BRIP1: variants seen among roughly 807,000 people sequenced by gnomAD.
BRIP1 encodes the protein BRCA1 interacting DNA helicase 1.
Under a neutral mutation model 119.7 loss-of-function variants are expected in BRIP1, and 88 were observed. The ratio of observed to expected loss-of-function variants is 0.74; its 90% confidence interval spans 0.62 to 0.88. The LOEUF is 0.88. BRIP1 is among the 40% of genes least tolerant of loss of function. BRIP1 has a pLI of 0.00. For missense variants in BRIP1, 1,259 were observed against 1,455.4 expected (o/e 0.87, Z 2.20); for synonymous variants, 443 against 496.5 (o/e 0.89, Z 1.43).
chr17:61,763,027 C>T (rs762437282), intron 14 of BRIP1, among the ~76,000 whole-genome samples: 1 of 152,060 alleles, frequency 6.6e-6, no homozygotes, highest in African/African-American at 2.4e-5. Flanking sequence ...CCTTACTTTA[C>T]GTGGCATCTA....
chr17:61,685,575 A>T, intron 19 of BRIP1: 3 of 506,472 alleles, frequency 5.9e-6, no homozygotes, highest in Non-Finnish European at 1.0e-5. Flanking sequence ...TTACGACTCA[A>T]AAAGGACAAA....
chr17:61,792,710 G>T (rs1407304811), intron 10 of BRIP1, among the ~76,000 whole-genome samples: 1 of 152,150 alleles, frequency 6.6e-6, no homozygotes, highest in African/African-American at 2.4e-5. Context: ...TAACACAGAA[G>T]ATTTTTAGGA....
rs981517864 is a variant in BRIP1 at position 61,823,206 on chromosome 17, G to T, written c.628-14449C>A. 6.6e-6 allele frequency among the ~76,000 whole-genome samples: 1 copy of T among 152,164 alleles called. No individual in the cohort carries two copies. Among genetic ancestry groups the T allele is most frequent in the Non-Finnish European group, 1.5e-5 (1 of 68,022 alleles). Reference sequence around the variant, plus strand: ...TTCACTTAGAACAATGCATATATTTGTTTAAGTTTTCCAAAAGGCCAACAT... The same window carrying T: ...TTCACTTAGAACAATGCATATATTTTTTTAAGTTTTCCAAAAGGCCAACAT... On this transcript the variant is annotated intron_variant, in intron 6 of 19. Coordinates refer to ENST00000259008, the MANE Select transcript of BRIP1 (RefSeq NM_032043.3). The surrounding 1 kb of genome is among the most constrained non-coding windows in gnomAD (Gnocchi z 4.8).
Position 61,776,279 on chromosome 17 carries a change from TAG to T in BRIP1, c.2097+120_2097+121del. On this transcript the variant is annotated intron_variant, in intron 14 of 19. Coordinates refer to ENST00000259008, the MANE Select transcript of BRIP1 (RefSeq NM_032043.3). This position sits in a 1 kb window ranked among gnomAD's most constrained non-coding sequence, Gnocchi z 5.0. ...ATAATATGTGATGTTTAGAAAACTATAGTTATTACCTTGTTGCCTCTACCCTA... is the reference window on the plus strand; with the variant it reads ...ATAATATGTGATGTTTAGAAAACTATTTATTACCTTGTTGCCTCTACCCTA... The T allele has an allele frequency of 9.7e-7, 1 of 1,029,154 alleles. No individual in the cohort carries two copies. The highest frequency in any genetic ancestry group is 2.5e-5 in the East Asian group (1 of 39,648). The allele number at this position is 1,029,154 out of a possible 1,614,324, so 63.8% of individuals were successfully genotyped here.
In BRIP1 at chr17:61,744,181, G is replaced by A. The variant is rs1013643824; in HGVS notation, c.2257+251C>T. 1.3e-5 allele frequency among the ~76,000 whole-genome samples: 2 copies of A among 152,198 alleles called. No individual in the cohort carries two copies. Among genetic ancestry groups the A allele is most frequent in the South Asian group, 4.2e-4 (2 of 4,814 alleles). ...TGCCTTTTTGCACAAACTATTTCAG[G>A]TAGTGCACTGAAGACTGTGAGATGA... is the stretch of plus-strand genomic sequence containing the variant. On this transcript the variant is annotated intron_variant, in intron 15 of 19. Transcript: ENST00000259008. This position sits in a 1 kb window ranked among gnomAD's most constrained non-coding sequence, Gnocchi z 5.0.
chr17:61,850,252 G>A (rs1476334826), intron 4 of BRIP1, among the ~76,000 whole-genome samples: 1 of 151,844 alleles, frequency 6.6e-6, no homozygotes, highest in African/African-American at 2.4e-5. Flanking sequence ...ACAGGCATGT[G>A]CCACCACGCC....
intron 16 of BRIP1, among the ~76,000 whole-genome samples, chr17:61,728,003 A>AT (rs2076792154): frequency 6.6e-6 from 1 of 151,390 alleles, no homozygotes; most frequent in South Asian, 2.1e-4. Context: ...TAATTTTTGT[A>AT]TTTTTAGTAG....
rs1462606114 is a variant in BRIP1 at position 61,857,953 on chromosome 17, T to A, written c.206-722A>T. Among the ~76,000 whole-genome samples the A allele has an allele frequency of 1.3e-5, 2 of 152,186 alleles. No homozygotes were observed. The highest frequency in any genetic ancestry group is 2.9e-5 in the Non-Finnish European group (2 of 68,032). ...TTTGAAAGTTCAATATATTAGATAA[T>A]AATCTAACACATAAGGGTTAAATCA... On this transcript the variant is annotated intron_variant, in intron 3 of 19. Transcript: ENST00000259008. The surrounding 1 kb of genome is among the most constrained non-coding windows in gnomAD (Gnocchi z 5.1).
rs143008260 is a variant in BRIP1 at position 61,774,015 on chromosome 17, G to A, written c.2097+2386C>T. Among the ~76,000 whole-genome samples the A allele has an allele frequency of 0.013, 1,994 of 152,246 alleles. 22 individuals are homozygous for A. The highest frequency in any genetic ancestry group is 0.02 in the Non-Finnish European group (1,331 of 68,022). On this transcript the variant is annotated intron_variant, in intron 14 of 19. Transcript: ENST00000259008. This position sits in a 1 kb window ranked among gnomAD's most constrained non-coding sequence, Gnocchi z 5.8. Reference sequence around the variant, plus strand: ...AGTATAAATTAGTTCAACCATTGTGGAAGACAGTGTGGCGATTCCTCAAGG... The same window carrying A: ...AGTATAAATTAGTTCAACCATTGTGAAAGACAGTGTGGCGATTCCTCAAGG...
At chr17:61,792,125 T>G (rs1301676881) in intron 10 of BRIP1, among the ~76,000 whole-genome samples, 2 of 152,200 alleles carry the variant, frequency 1.3e-5, no homozygotes, top group Non-Finnish European at 2.9e-5. Flanking sequence ...TGGAGAGCAG[T>G]GGCTATTCAC....
chr17:61,711,261 G>A (rs2061769845), intron 17 of BRIP1, among the ~76,000 whole-genome samples: 1 of 151,754 alleles, frequency 6.6e-6, no homozygotes. Flanking sequence ...ATACTAAAAG[G>A]AAGAAAAAAA....
At position 61,770,181 on chromosome 17, in the gene BRIP1, T is replaced by G. The variant is rs1297351468; in HGVS notation, c.2097+6220A>C. On this transcript the variant is annotated intron_variant, in intron 14 of 19. Transcript: ENST00000259008. The surrounding 1 kb of genome is among the most constrained non-coding windows in gnomAD (Gnocchi z 4.7). ...ATATGAATGAAGAGCTCAGAAACAC[T>G]TGTGAAGGTCACAGGCAAGGGACAC... 6.6e-6 allele frequency among the ~76,000 whole-genome samples: 1 copy of G among 152,226 alleles called. No homozygotes were observed. Among genetic ancestry groups the G allele is most frequent in the Non-Finnish European group, 1.5e-5 (1 of 68,034 alleles).
rs2077867211 is a variant in BRIP1, at chr17:61,794,363, TA to T, written c.1341-635del. On this transcript the variant is annotated intron_variant, in intron 9 of 19. Transcript: ENST00000259008. The surrounding 1 kb of genome is among the most constrained non-coding windows in gnomAD (Gnocchi z 4.3). ...GTAGTCATGGGATACTATATGGCCA[TA>T]AAAAAGAACAAGAACATGTCCTTTA... Among the ~76,000 whole-genome samples the T allele has an allele frequency of 6.6e-6, 1 of 151,984 alleles. No homozygotes were observed. The highest frequency in any genetic ancestry group is 2.4e-5 in the African/African-American group (1 of 41,404).
intron 10 of BRIP1, among the ~76,000 whole-genome samples, chr17:61,786,528 T>C (rs2145164662): frequency 6.7e-6 from 1 of 149,984 alleles, no homozygotes; most frequent in South Asian, 2.1e-4. Flanking sequence ...ATGATGAATG[T>C]CTTAGCCAAC....
chr17:61,783,661 A>T (rs951436513), intron 11 of BRIP1, among the ~76,000 whole-genome samples: 1 of 152,134 alleles, frequency 6.6e-6, no homozygotes, highest in Non-Finnish European at 1.5e-5. Context: ...TCCACAGTTC[A>T]TACAATAAAA....
Position 61,799,879 on chromosome 17 carries a change from T to G in BRIP1, c.1141-580A>C, listed in dbSNP as rs2077963737. On this transcript the variant is annotated intron_variant, in intron 8 of 19. Transcript: ENST00000259008. The surrounding 1 kb of genome is among the most constrained non-coding windows in gnomAD (Gnocchi z 5.1). ...TTCTTCTCCAACTCCCATGTGATGC[T>G]GGCAGGACTATTAACCTGTGAATCA... 6.6e-6 allele frequency among the ~76,000 whole-genome samples: 1 copy of G among 152,130 alleles called. No homozygotes were observed.
In BRIP1 at chr17:61,852,520, C is replaced by T. The variant is rs538602430; in HGVS notation, c.380-3264G>A. Among the ~76,000 whole-genome samples the T allele has an allele frequency of 2.0e-5, 3 of 151,886 alleles. No homozygotes were observed. Among genetic ancestry groups the T allele is most frequent in the African/African-American group, 7.2e-5 (3 of 41,444 alleles). The stretch of plus-strand genomic sequence containing the variant: ...CCATTTCTACTAAAAATACAAAAAT[C>T]AGCCGGGCGTGGTGGCAGGTGCCTG... On this transcript the variant is annotated intron_variant, in intron 4 of 19. Transcript: ENST00000259008. This position sits in a 1 kb window ranked among gnomAD's most constrained non-coding sequence, Gnocchi z 4.9.
At position 61,848,868 on chromosome 17, in the gene BRIP1, A is replaced by C. The variant is rs1394546458; in HGVS notation, c.507+261T>G. On this transcript the variant is annotated intron_variant, in intron 5 of 19. Transcript: ENST00000259008. The surrounding 1 kb of genome is among the most constrained non-coding windows in gnomAD (Gnocchi z 4.3). ...GTAGTATATCACTAAGATATGCCTT[A>C]AGTAAATATTTTACTATCAAATTCC... is the stretch of plus-strand genomic sequence containing the variant. Among the ~76,000 whole-genome samples, 1 of 152,202 alleles carries C rather than the reference A, an allele frequency of 6.6e-6. No homozygotes were observed. Among genetic ancestry groups the C allele is most frequent in the Non-Finnish European group, 1.5e-5 (1 of 68,034 alleles).
In BRIP1 at chr17:61,751,920, C is replaced by A. The variant is rs2077136785; in HGVS notation, c.2098-7329G>T. On this transcript the variant is annotated intron_variant, in intron 14 of 19. Coordinates refer to ENST00000259008, the MANE Select transcript of BRIP1 (RefSeq NM_032043.3). The surrounding 1 kb of genome is among the most constrained non-coding windows in gnomAD (Gnocchi z 6.7). ...AGTAGCTGGGACTACAGGCGGACAC[C>A]ACCACACCTGACTAATTTTTGTATT... Among the ~76,000 whole-genome samples, 1 of 152,014 alleles carries A rather than the reference C, an allele frequency of 6.6e-6. No homozygotes were observed. The highest frequency in any genetic ancestry group is 2.4e-5 in the African/African-American group (1 of 41,382).
Sources: gnomAD v4.1 joint callset for allele counts (sites outside exome capture counted in the v4.1 genomes callset) on GRCh38, gnomAD v4.1.1 for gene constraint, Gnocchi (gnomAD v3.1) non-coding constraint, MANE v1.5 for transcripts, NCBI Gene and HGNC (gene_info 2026-07-23, HGNC 2026-07-21) for gene names.